LRRC4C: variants seen among roughly 807,000 people sequenced by gnomAD.
The protein encoded by LRRC4C is leucine-rich repeat-containing protein 4C.
A neutral mutation model predicts 33.6 loss-of-function variants in LRRC4C; 5 were observed. That is an observed-to-expected ratio of 0.15 (90% CI 0.08 to 0.31). The LOEUF is 0.31. Ranked by LOEUF, LRRC4C falls within the 10% of genes least tolerant of loss-of-function variation. LRRC4C has a pLI of 1.00. For synonymous variants in LRRC4C, 329 were observed against 302.0 expected, an observed-to-expected ratio of 1.09 and a Z score of -0.93; for missense variants, 560 against 796.7, an observed-to-expected ratio of 0.70 and a Z score of 3.58.
chr11:40,955,048 C>T (rs1240675955), intron 1 of LRRC4C, among the ~76,000 whole-genome samples: 1 of 151,866 alleles, frequency 6.6e-6, no homozygotes, highest in Non-Finnish European at 1.5e-5. Context: ...AACATCATCT[C>T]ACTCCTTTTT....
At chr11:41,182,465 A>T (rs1400727020) in intron 1 of LRRC4C, among the ~76,000 whole-genome samples, 1 of 152,182 alleles carries the variant, frequency 6.6e-6, no homozygotes. Context: ...ACCTAGGTTC[A>T]AGGTCTGACT....
At chr11:40,711,721 A>AG (rs1946473998) in intron 2 of LRRC4C, among the ~76,000 whole-genome samples, 1 of 119,936 alleles carries the variant, frequency 8.3e-6, no homozygotes, top group African/African-American at 2.9e-5. Context: ...ATTCAGAGTT[A>AG]GAAAAAAAAA....
chr11:41,026,385 T>C (rs1467619481), intron 1 of LRRC4C, among the ~76,000 whole-genome samples: 1 of 151,596 alleles, frequency 6.6e-6, no homozygotes, highest in Non-Finnish European at 1.5e-5. Flanking sequence ...AAGTGGTGCC[T>C]GAAAATACAA....
chr11:41,027,710 A>G (rs1856466116), intron 1 of LRRC4C, among the ~76,000 whole-genome samples: 1 of 151,730 alleles, frequency 6.6e-6, no homozygotes, highest in South Asian at 2.1e-4. Flanking sequence ...TCCTAAAGAC[A>G]GAGTAATAGA....
intron 3 of LRRC4C, among the ~76,000 whole-genome samples, chr11:40,415,280 C>T (rs1950285918): frequency 6.6e-6 from 1 of 152,190 alleles, no homozygotes. Flanking sequence ...CAAGCTCATG[C>T]TCAGAAGAGC....
At chr11:41,249,573 C>G (rs1948573040) in intron 1 of LRRC4C, among the ~76,000 whole-genome samples, 1 of 152,114 alleles carries the variant, frequency 6.6e-6, no homozygotes, top group Non-Finnish European at 1.5e-5. Context: ...TCCAGTACCT[C>G]CCCAGCTTAC....
At chr11:40,216,549 C>T (rs185478146) in intron 5 of LRRC4C, among the ~76,000 whole-genome samples, 110 of 152,180 alleles carry the variant, frequency 7.2e-4, no homozygotes, top group Non-Finnish European at 1.3e-3. Context: ...TAAGAACAAG[C>T]TAGTTCTCTT....
At chr11:40,953,166 G>GA (rs1958792951) in intron 1 of LRRC4C, among the ~76,000 whole-genome samples, 1 of 151,794 alleles carries the variant, frequency 6.6e-6, no homozygotes, top group Non-Finnish European at 1.5e-5. Flanking sequence ...ACTGTTCATG[G>GA]AAAATCTATC....
At chr11:40,715,825 G>T (rs376746934) in intron 2 of LRRC4C, among the ~76,000 whole-genome samples, 40 of 152,298 alleles carry the variant, frequency 2.6e-4, no homozygotes, top group African/African-American at 9.1e-4. Context: ...AGGAGTTCAA[G>T]ATCAGCCTAG....
At chr11:41,449,529 G>T (rs956042225) in intron 1 of LRRC4C, among the ~76,000 whole-genome samples, 1 of 152,056 alleles carries the variant, frequency 6.6e-6, no homozygotes, top group Admixed American at 6.6e-5. Context: ...TGTGAGGGGT[G>T]AGTAAAATAG....
chr11:40,278,436 C>A (rs1943259573), intron 4 of LRRC4C, among the ~76,000 whole-genome samples: 1 of 152,146 alleles, frequency 6.6e-6, no homozygotes, highest in South Asian at 2.1e-4. Flanking sequence ...TTTAAAGATC[C>A]TCTACCAGTG....
intron 3 of LRRC4C, among the ~76,000 whole-genome samples, chr11:40,509,480 T>A (rs1477288238): frequency 6.6e-6 from 1 of 151,958 alleles, no homozygotes; most frequent in Non-Finnish European, 1.5e-5. Context: ...GTATGCTGGT[T>A]TTTAAAATTT....
chr11:40,146,633 A>T (rs1474483316), intron 5 of LRRC4C, among the ~76,000 whole-genome samples: 1 of 152,164 alleles, frequency 6.6e-6, no homozygotes, highest in African/African-American at 2.4e-5. Context: ...TTCCTGACGG[A>T]ATGGCTTCTA....
At chr11:41,300,872 A>G (rs1950264993) in intron 1 of LRRC4C, among the ~76,000 whole-genome samples, 1 of 152,128 alleles carries the variant, frequency 6.6e-6, no homozygotes, top group South Asian at 2.1e-4. Flanking sequence ...TTACATCTTT[A>G]GCAAAATTTA....
intron 1 of LRRC4C, among the ~76,000 whole-genome samples, chr11:41,148,487 G>A (rs1208164896): frequency 1.3e-5 from 2 of 152,238 alleles, no homozygotes; most frequent in Non-Finnish European, 2.9e-5. Flanking sequence ...ATTTTGAGGG[G>A]TGGAGGGTGA....
At chr11:40,248,386 TTGTG>T (rs1866509276) in intron 4 of LRRC4C, among the ~76,000 whole-genome samples, 1 of 152,182 alleles carries the variant, frequency 6.6e-6, no homozygotes, top group South Asian at 2.1e-4. Flanking sequence ...TAATGCTGCC[TTGTG>T]TGTTGTAGAA....
intron 1 of LRRC4C, among the ~76,000 whole-genome samples, chr11:41,211,146 TAGAA>T (rs1256744410): frequency 6.6e-6 from 1 of 152,026 alleles, no homozygotes; most frequent in East Asian, 1.9e-4. Flanking sequence ...GTTTAAATGA[TAGAA>T]AGAAGCTATA....
chr11:41,106,222 T>C lies in LRRC4C; in HGVS notation c.-495-172499A>G, dbSNP rs570504280. Among the ~76,000 whole-genome samples the C allele has an allele frequency of 7.9e-5, 12 of 151,886 alleles. No homozygotes were observed. The South Asian group carries it at 2.3e-3, about 29-fold the overall frequency. ...CTTTACCTTTATTATATTCTTTCCATGACTTGTATTATCTGTCTGCGCATT... is the reference window on the plus strand; with the variant it reads ...CTTTACCTTTATTATATTCTTTCCACGACTTGTATTATCTGTCTGCGCATT... On this transcript the variant is annotated intron_variant, in intron 1 of 6. Transcript: ENST00000528697.
At chr11:40,736,006 G>GT (rs34674705) in intron 2 of LRRC4C, among the ~76,000 whole-genome samples, 40,532 of 151,698 alleles carry the variant, frequency 0.27, 5,974 homozygotes, top group African/African-American at 0.38. Context: ...TGATGGGGTT[G>GT]TTTTTTTCTT....
Sources: gnomAD v4.1 joint callset for allele counts (sites outside exome capture counted in the v4.1 genomes callset) on GRCh38, gnomAD v4.1.1 for gene constraint, MANE v1.5 for transcripts, NCBI Gene and HGNC (gene_info 2026-07-23, HGNC 2026-07-21) for gene names.